Variants in TRHDE observed in about 807,000 individuals in gnomAD.
The protein encoded by TRHDE is thyrotropin-releasing hormone-degrading ectoenzyme.
In TRHDE, 72 loss-of-function variants were observed where a neutral mutation model predicts 125.7. That is an observed-to-expected ratio of 0.57 (90% confidence interval 0.47 to 0.70). TRHDE has a LOEUF of 0.70. TRHDE is among the 30% of genes least tolerant of loss of function. TRHDE has a pLI of 0.00. For synonymous variants in TRHDE, 509 were observed against 509.1 expected (o/e 1.00, Z 0.00); for missense variants, 1,110 against 1,327.1 (o/e 0.84, Z 2.54).
intron 6 of TRHDE, among the ~76,000 whole-genome samples, chr12:72,540,449 G>A (rs10748198): frequency 0.4 from 60,172 of 151,462 alleles, 14,431 homozygotes; most frequent in African/African-American, 0.67. Context: ...GACCATGCTA[G>A]ATTAATAGTT....
rs59206098 is a variant in TRHDE, at chr12:72,571,974, A to AACACACACACACACACACACAC, written c.2132-3258_2132-3237dup. On this transcript the variant is annotated intron_variant, in intron 10 of 18. Transcript: ENST00000261180. The stretch of plus-strand genomic sequence containing the variant: ...TTCCTACCGTTCCCCTGACTCTGCA[A>AACACACACACACACACACACAC]ACACACACACACACACACACACACA... Among the ~76,000 whole-genome samples, 322 of 127,510 alleles carry AACACACACACACACACACACAC rather than the reference A, an allele frequency of 2.5e-3. 8 individuals carry two copies. Among genetic ancestry groups the AACACACACACACACACACACAC allele is most frequent in the South Asian group, 6.1e-3 (20 of 3,300 alleles). The allele number at this position is 127,510 out of a possible 152,430, so 83.7% of individuals were successfully genotyped here.
At chr12:72,313,370 A>G (rs1340153609) in intron 2 of TRHDE, among the ~76,000 whole-genome samples, 1 of 152,060 alleles carries the variant, frequency 6.6e-6, no homozygotes, top group East Asian at 1.9e-4. Flanking sequence ...TATTTAAATT[A>G]AAACATTCGA....
chr12:72,261,083 A>G (rs973925617), intron 2 of TRHDE, among the ~76,000 whole-genome samples: 7 of 152,194 alleles, frequency 4.6e-5, no homozygotes, highest in African/African-American at 1.7e-4. Context: ...ACAGTTTAAG[A>G]AAGATTTAGA....
intron 2 of TRHDE, among the ~76,000 whole-genome samples, chr12:72,204,787 T>C (rs1426190828): frequency 6.6e-6 from 1 of 152,206 alleles, no homozygotes; most frequent in Non-Finnish European, 1.5e-5. Context: ...TATAATGAGC[T>C]TCCTATATAC....
intron 2 of TRHDE, among the ~76,000 whole-genome samples, chr12:72,311,676 C>A (rs1394533642): frequency 2.0e-5 from 3 of 152,094 alleles, no homozygotes; most frequent in Non-Finnish European, 4.4e-5. Context: ...CAGTATTAAT[C>A]CTGTTTTGTC....
chr12:72,315,496 C>G (rs1868755945), intron 2 of TRHDE, among the ~76,000 whole-genome samples: 1 of 151,680 alleles, frequency 6.6e-6, no homozygotes. Flanking sequence ...ATAGCTCTAG[C>G]CTTATTGCCA....
chr12:72,329,102 G>T (rs1377747233), intron 2 of TRHDE, among the ~76,000 whole-genome samples: 6 of 152,108 alleles, frequency 3.9e-5, no homozygotes, highest in Admixed American at 3.9e-4. Flanking sequence ...TCCTTTGCTA[G>T]ACTCTTGGGA....
chr12:72,273,046 G>A lies in TRHDE; in HGVS notation c.403G>A (p.Gly135Arg), dbSNP rs981408209. ...PSGFPERGGN[G>R]SLPGSARRNH... ...AGGCTTTCCGGAGCGCGGCGGCAACGGGAGCCTCCCTGGATCGGCCCGGCG... is the reference window on the plus strand; with the variant it reads ...AGGCTTTCCGGAGCGCGGCGGCAACAGGAGCCTCCCTGGATCGGCCCGGCG... The change falls in exon 1 of 19, where the codon GGG (glycine) becomes AGG (arginine). Residue 135 changes from glycine to arginine, a missense_variant. Around this residue, in one of 5 missense-constraint regions of TRHDE, gnomAD observed 248 missense variants for 240.8 expected, o/e 1.03. Coordinates refer to ENST00000261180, the MANE Select transcript of TRHDE (RefSeq NM_013381.3). The surrounding 1 kb of genome is among the most constrained non-coding windows in gnomAD (Gnocchi z 5.3). 10 of 1,537,068 alleles carry A rather than the reference G, an allele frequency of 6.5e-6. No individual in the cohort carries two copies. In the African/African-American group the frequency reaches 8.2e-5, roughly 13 times the overall value.
At chr12:72,200,584 A>G (rs1877539324) in intron 2 of TRHDE, among the ~76,000 whole-genome samples, 1 of 152,220 alleles carries the variant, frequency 6.6e-6, no homozygotes, top group African/African-American at 2.4e-5. Context: ...TAAAAATTAC[A>G]AAGTTTGCTT....
intron 3 of TRHDE, among the ~76,000 whole-genome samples, chr12:72,446,898 C>T (rs1277507073): frequency 6.6e-6 from 1 of 152,102 alleles, no homozygotes; most frequent in Non-Finnish European, 1.5e-5. Flanking sequence ...GAGACTTAGA[C>T]TCCCACACAA....
chr12:72,626,457 T>G (rs1873262201), intron 15 of TRHDE, among the ~76,000 whole-genome samples: 1 of 151,888 alleles, frequency 6.6e-6, no homozygotes, highest in Admixed American at 6.6e-5. Context: ...ATTGAATGCC[T>G]TCAATGCTCA....
rs549367906 is a variant in TRHDE at position 72,575,029 on chromosome 12, G to A, written c.2132-226G>A. Among the ~76,000 whole-genome samples, 22 of 152,182 alleles carry A rather than the reference G, an allele frequency of 1.4e-4. No homozygotes were observed. In the South Asian group the frequency reaches 4.3e-3, roughly 30 times the overall value. Reference sequence around the variant, plus strand: ...ATGGGGTTTTGTCAAGAACAAAAATGCTAATTATAAGAAAACAATTAATTG... The same window carrying A: ...ATGGGGTTTTGTCAAGAACAAAAATACTAATTATAAGAAAACAATTAATTG... On this transcript the variant is annotated intron_variant, in intron 10 of 18. Coordinates refer to ENST00000261180, the MANE Select transcript of TRHDE (RefSeq NM_013381.3).
intron 2 of TRHDE, among the ~76,000 whole-genome samples, chr12:72,238,039 C>A (rs1180730130): frequency 6.6e-6 from 1 of 151,454 alleles, no homozygotes; most frequent in African/African-American, 2.4e-5. Context: ...GCCCTGAAAG[C>A]CATGGTAAGG....
At chr12:72,244,953 T>C (rs1340798622) in intron 2 of TRHDE, among the ~76,000 whole-genome samples, 2 of 152,190 alleles carry the variant, frequency 1.3e-5, no homozygotes, top group African/African-American at 4.8e-5. Context: ...TTTATACTTA[T>C]ATTAGAATTT....
intron 6 of TRHDE, among the ~76,000 whole-genome samples, chr12:72,519,425 G>T: frequency 6.6e-6 from 1 of 152,004 alleles, no homozygotes; most frequent in Non-Finnish European, 1.5e-5. Context: ...CTTTCTTCCA[G>T]TTGATCGCAT....
chr12:72,518,162 T>C (rs1043385617), intron 6 of TRHDE, among the ~76,000 whole-genome samples: 10 of 150,974 alleles, frequency 6.6e-5, no homozygotes, highest in African/African-American at 1.2e-4. Context: ...CTATTAGGTC[T>C]GCTTGGTGCA....
At chr12:72,357,241 A>G (rs1298019761) in intron 2 of TRHDE, among the ~76,000 whole-genome samples, 1 of 151,556 alleles carries the variant, frequency 6.6e-6, no homozygotes, top group African/African-American at 2.4e-5. Flanking sequence ...AATCCTAAGC[A>G]ATAACTATTA....
At chr12:72,436,203 C>G (rs926515700) in intron 3 of TRHDE, among the ~76,000 whole-genome samples, 2 of 151,954 alleles carry the variant, frequency 1.3e-5, no homozygotes, top group East Asian at 3.9e-4. Flanking sequence ...TGAACATGCT[C>G]TTTTTTGACT....
chr12:72,652,938 G>A (rs1874563658), intron 16 of TRHDE, 78 bp from the exon 17 acceptor site: 1 of 1,201,962 alleles, frequency 8.3e-7, no homozygotes, highest in South Asian at 1.5e-5. Flanking sequence ...TGACAAACTA[G>A]GTCCTATAAT....
Sources: gnomAD v4.1 joint callset for allele counts (sites outside exome capture counted in the v4.1 genomes callset) on GRCh38, gnomAD v4.1.1 for gene constraint, gnomAD v4.1.1 regional missense constraint, Gnocchi (gnomAD v3.1) non-coding constraint, MANE v1.5 for transcripts, NCBI Gene and HGNC (gene_info 2026-07-23, HGNC 2026-07-21) for gene names.